The following LARGE1 variants were observed in gnomAD, a reference collection of about 807,000 sequenced individuals.
LARGE1 encodes LARGE xylosyl- and glucuronyltransferase 1.
LARGE1 carries 43 observed loss-of-function variants against 87.6 expected under a neutral mutation model. The ratio of observed to expected loss-of-function variants is 0.49; its 90% confidence interval spans 0.38 to 0.63. The LOEUF is 0.63. Among genes scored for constraint, LARGE1 ranks in the 30% least tolerant of loss-of-function variants. The pLI, the probability that LARGE1 is intolerant of heterozygous loss-of-function variation, is 0.00. For synonymous variants in LARGE1, 434 were observed against 394.6 expected (o/e 1.10, Z -1.18); for missense variants, 802 against 1,000.2 (o/e 0.80, Z 2.67).
chr22:33,316,072 C>T lies in LARGE1; in HGVS notation c.1451+13G>A, dbSNP rs1471006968. On this transcript the variant is annotated intron_variant, in intron 11 of 14. Coordinates refer to ENST00000397394, the MANE Select transcript of LARGE1 (RefSeq NM_133642.5). ...GGTGAGGAGACTGGGGTGGGTGAGG[C>T]CGTCTGCCATACCTGTCCATGGACA... 2 of 1,613,102 alleles carry T rather than the reference C, an allele frequency of 1.2e-6. No homozygotes were observed. The highest frequency in any genetic ancestry group is 8.5e-7 in the Non-Finnish European group (1 of 1,179,488).
intron 1 of LARGE1, among the ~76,000 whole-genome samples, chr22:33,797,225 C>G (rs2086015537): frequency 6.6e-6 from 1 of 152,178 alleles, no homozygotes; most frequent in African/African-American, 2.4e-5. Context: ...AGGGGGCACC[C>G]CTCCAGCCAG....
chr22:33,488,204 A>G (rs550447878), intron 6 of LARGE1, among the ~76,000 whole-genome samples: 1 of 152,184 alleles, frequency 6.6e-6, no homozygotes, highest in African/African-American at 2.4e-5. Context: ...TAATTAATCA[A>G]ACTCGGATTA....
At chr22:33,241,293 C>A (rs775707396) in intron 11 of LARGE1, among the ~76,000 whole-genome samples, 1 of 152,130 alleles carries the variant, frequency 6.6e-6, no homozygotes, top group African/African-American at 2.4e-5. Flanking sequence ...CAGGCACACA[C>A]CATTAGCTTA....
intron 11 of LARGE1, among the ~76,000 whole-genome samples, chr22:33,230,788 G>A (rs527657403): frequency 2.6e-5 from 4 of 152,322 alleles, no homozygotes; most frequent in East Asian, 1.9e-4. Context: ...AAATAGGTAA[G>A]TTCATAATAA....
chr22:33,726,991 G>A (rs141748472), intron 2 of LARGE1, among the ~76,000 whole-genome samples: 14 of 152,182 alleles, frequency 9.2e-5, no homozygotes, highest in African/African-American at 3.1e-4. Flanking sequence ...TTTGAGATGA[G>A]ATGTGAGTAG....
At chr22:33,774,137 C>T (rs1481578007) in intron 1 of LARGE1, among the ~76,000 whole-genome samples, 9 of 152,164 alleles carry the variant, frequency 5.9e-5, no homozygotes, top group Non-Finnish European at 1.3e-4. Context: ...CAATATGCTA[C>T]TGCTCTTCTT....
chr22:33,191,140 A>C (rs978833901), intron 11 of LARGE1, among the ~76,000 whole-genome samples: 1 of 152,236 alleles, frequency 6.6e-6, no homozygotes, highest in African/African-American at 2.4e-5. Context: ...TATTGAATAC[A>C]TTCATAAGAT....
chr22:33,657,083 C>T (rs2080980355), intron 2 of LARGE1: 1 of 152,288 alleles, frequency 6.6e-6, no homozygotes, highest in Middle Eastern at 3.4e-3. Flanking sequence ...ATGAATAGGA[C>T]TGGGACTCAT....
intron 1 of LARGE1, among the ~76,000 whole-genome samples, chr22:33,834,347 A>C (rs2063054115): frequency 6.6e-6 from 1 of 152,212 alleles, no homozygotes; most frequent in Non-Finnish European, 1.5e-5. Flanking sequence ...GTATACATCC[A>C]AATGGCCTGA....
At chr22:33,922,127 C>T (rs571120532), upstream of LARGE1, among the ~76,000 whole-genome samples, 1 of 152,088 alleles carries the variant, frequency 6.6e-6, no homozygotes, top group Non-Finnish European at 1.5e-5. Flanking sequence ...CGCGCCTCTC[C>T]GCTCTCCAGG....
At chr22:33,320,176 C>T (rs5998870) in intron 10 of LARGE1, among the ~76,000 whole-genome samples, 213 of 152,262 alleles carry the variant, frequency 1.4e-3, no homozygotes, top group African/African-American at 4.8e-3. Context: ...TTGACAATTA[C>T]GGGCTGCTCT....
At chr22:33,545,264 C>CTTT (rs57882316) in intron 6 of LARGE1, among the ~76,000 whole-genome samples, 3 of 132,038 alleles carry the variant, frequency 2.3e-5, no homozygotes, top group Non-Finnish European at 4.8e-5. Flanking sequence ...CTTTCCTTTT[C>CTTT]TTTTTTTTTT....
chr22:33,342,646 A>C (rs1366690992), intron 9 of LARGE1, among the ~76,000 whole-genome samples: 2 of 152,194 alleles, frequency 1.3e-5, no homozygotes, highest in Non-Finnish European at 2.9e-5. Context: ...GTGCCAAGTC[A>C]GGGTTGGGAC....
chr22:33,333,470 A>T (rs1938012764), intron 10 of LARGE1, among the ~76,000 whole-genome samples: 1 of 152,198 alleles, frequency 6.6e-6, no homozygotes. Flanking sequence ...TTCTCAGCAC[A>T]GTCAGGGCGC....
the LARGE1 span, among the ~76,000 whole-genome samples, chr22:33,131,473 C>T: frequency 6.6e-6 from 1 of 152,130 alleles, no homozygotes; most frequent in Non-Finnish European, 1.5e-5. Flanking sequence ...TAGAGACATA[C>T]CCGAGACTGA....
chr22:33,727,783 C>G (rs2083315820), intron 2 of LARGE1, among the ~76,000 whole-genome samples: 1 of 152,202 alleles, frequency 6.6e-6, no homozygotes, highest in African/African-American at 2.4e-5. Context: ...GTTCCTCTCT[C>G]TAAATGGCTA....
At chr22:33,495,201 T>A (rs1412638639) in intron 6 of LARGE1, among the ~76,000 whole-genome samples, 4 of 151,738 alleles carry the variant, frequency 2.6e-5, no homozygotes, top group African/African-American at 9.7e-5. Context: ...TTAGAACACT[T>A]CCACAGCATC....
At chr22:33,104,889 C>CTTTCTTTCTTTCTTTCTTTCTTTTTCTT in the LARGE1 span, among the ~76,000 whole-genome samples, 1 of 89,148 alleles carries the variant, frequency 1.1e-5, no homozygotes, top group Non-Finnish European at 2.6e-5. Context: ...GACTTTCTCT[C>CTTTCTTTCTTTCTTTCTTTCTTTTTCTT]TCTTTCTTTC....
At chr22:33,078,271 A>G in the LARGE1 span, among the ~76,000 whole-genome samples, 3 of 152,208 alleles carry the variant, frequency 2.0e-5, no homozygotes, top group Non-Finnish European at 4.4e-5. Flanking sequence ...GTCATCATTT[A>G]GCCATATTCA....
Sources: gnomAD v4.1 joint callset for allele counts (sites outside exome capture counted in the v4.1 genomes callset) on GRCh38, gnomAD v4.1.1 for gene constraint, MANE v1.5 for transcripts, NCBI Gene and HGNC (gene_info 2026-07-23, HGNC 2026-07-21) for gene names.